MYO6: variants seen among roughly 807,000 people sequenced by gnomAD.
The protein encoded by MYO6 is unconventional myosin-VI.
MYO6 carries 74 observed loss-of-function variants against 178.7 expected under a neutral mutation model. That is an observed-to-expected ratio of 0.41 (90% CI 0.34 to 0.50). MYO6 has a LOEUF of 0.50. MYO6 is among the 20% of genes least tolerant of loss of function. The probability of loss-of-function intolerance (pLI) is 0.09; values close to 1 mark genes in which losing one functional copy is unlikely to be tolerated. For synonymous variants in MYO6, 477 were observed against 504.6 expected (o/e 0.95, Z 0.73); for missense variants, 1,330 against 1,547.4 (o/e 0.86, Z 2.36).
chr6:75,826,000 G>A (rs886444712), intron 3 of MYO6, among the ~76,000 whole-genome samples: 1 of 152,040 alleles, frequency 6.6e-6, no homozygotes, highest in Non-Finnish European at 1.5e-5. Context: ...GGCATAAAAG[G>A]TAAACAGTTT....
chr6:75,757,863 CATT>C (rs778382597), intron 1 of MYO6, among the ~76,000 whole-genome samples: 7 of 149,656 alleles, frequency 4.7e-5, no homozygotes, highest in Non-Finnish European at 1.0e-4. Flanking sequence ...AGTGTACATT[CATT>C]ATTATTGTTG....
intron 6 of MYO6, among the ~76,000 whole-genome samples, chr6:75,835,150 T>C (rs1291378270): frequency 1.3e-5 from 2 of 152,228 alleles, no homozygotes; most frequent in African/African-American, 4.8e-5. Context: ...ATTGAATTAA[T>C]AGGCTCTCAC....
intron 10 of MYO6, among the ~76,000 whole-genome samples, 168 bp from the exon 11 acceptor site, chr6:75,848,183 T>C (rs1774910395): frequency 6.6e-6 from 1 of 152,216 alleles, no homozygotes; most frequent in South Asian, 2.1e-4. Flanking sequence ...AGATCCTGTG[T>C]ATACTTTTCA....
At chr6:75,893,378 AC>A (rs1473285938) in intron 28 of MYO6, among the ~76,000 whole-genome samples, 1 of 152,138 alleles carries the variant, frequency 6.6e-6, no homozygotes, top group African/African-American at 2.4e-5. Flanking sequence ...TAATAACAAA[AC>A]TAATTTGTAA....
chr6:75,782,834 A>G (rs1362719408), intron 1 of MYO6, among the ~76,000 whole-genome samples: 3 of 150,978 alleles, frequency 2.0e-5, no homozygotes, highest in Non-Finnish European at 2.9e-5. Context: ...CCTCTCTGAA[A>G]TTTACTTGTT....
Position 75,832,844 on chromosome 6 carries a change from G to T in MYO6, c.394G>T (p.Asp132Tyr). ...TTAATGTCTTATTTTGACCCTAGCT[G>T]ATAAAGCTTTTCGAGACATGAAGGT... ...TRPPHVFAIA[D>Y]KAFRDMKVLK... Residue 132 changes from aspartate (D) to tyrosine (Y), a missense_variant and splice_region_variant, in exon 6 of 35, where the codon GAT becomes TAT. Physicochemically the swap from Asp to Tyr is radical, Grantham distance 160 (BLOSUM62 -3). Transcript: ENST00000369977. The T allele has an allele frequency of 1.2e-6, 2 of 1,605,806 alleles. No individual in the cohort carries two copies. Among genetic ancestry groups the T allele is most frequent in the Non-Finnish European group, 1.7e-6 (2 of 1,172,570 alleles).
chr6:75,869,788 A>G (rs1418278262), intron 18 of MYO6, among the ~76,000 whole-genome samples: 6 of 152,204 alleles, frequency 3.9e-5, no homozygotes, highest in African/African-American at 7.2e-5. Flanking sequence ...TTGTCCAAGC[A>G]TTTAAAAATA....
chr6:75,899,271 A>G (rs966681256), intron 30 of MYO6, among the ~76,000 whole-genome samples: 1 of 152,144 alleles, frequency 6.6e-6, no homozygotes, highest in African/African-American at 2.4e-5. Context: ...ATCAAAACAC[A>G]TTTTACATAT....
intron 12 of MYO6, among the ~76,000 whole-genome samples, chr6:75,855,782 AT>A: frequency 6.6e-6 from 1 of 152,268 alleles, no homozygotes; most frequent in East Asian, 1.9e-4. Context: ...GGATGTTTTT[AT>A]ACTTTTGTCT....
At chr6:75,765,448 A>G (rs1440928780) in intron 1 of MYO6, among the ~76,000 whole-genome samples, 1 of 152,028 alleles carries the variant, frequency 6.6e-6, no homozygotes, top group African/African-American at 2.4e-5. Flanking sequence ...AAGTGTTGGG[A>G]TTACAGGCAT....
At chr6:75,788,621 A>G (rs568363895) in intron 1 of MYO6, among the ~76,000 whole-genome samples, 1 of 152,340 alleles carries the variant, frequency 6.6e-6, no homozygotes, top group Admixed American at 6.5e-5. Context: ...TATTTTTGGT[A>G]GAGAAGGTGT....
chr6:75,821,731 C>T (rs1306236883), intron 2 of MYO6, among the ~76,000 whole-genome samples: 2 of 152,234 alleles, frequency 1.3e-5, no homozygotes, highest in Admixed American at 1.3e-4. Context: ...GAAACTTCAG[C>T]CACAAGAGTA....
At chr6:75,833,321 A>G (rs1773318114) in intron 6 of MYO6, among the ~76,000 whole-genome samples, 1 of 152,230 alleles carries the variant, frequency 6.6e-6, no homozygotes, top group South Asian at 2.1e-4. Context: ...TGGTAAAAAA[A>G]TACTTAAGTA....
chr6:75,845,972 A>G (rs1190377267), intron 10 of MYO6, among the ~76,000 whole-genome samples: 2 of 149,990 alleles, frequency 1.3e-5, no homozygotes, highest in Non-Finnish European at 3.0e-5. Context: ...GGGCGACAGA[A>G]CGAGACTCTG....
chr6:75,792,619 T>A (rs1269419937), intron 1 of MYO6, among the ~76,000 whole-genome samples: 2 of 152,142 alleles, frequency 1.3e-5, no homozygotes, highest in Non-Finnish European at 2.9e-5. Context: ...AATTACTTTT[T>A]TTTTTGTGGG....
chr6:75,791,250 AT>A (rs1201582528), intron 1 of MYO6, among the ~76,000 whole-genome samples: 3 of 152,182 alleles, frequency 2.0e-5, no homozygotes, highest in African/African-American at 7.2e-5. Context: ...TGTATTTTTA[AT>A]TGTAAAGAAT....
At position 75,830,550 on chromosome 6, in the gene MYO6, G is replaced by C. The variant is rs1303815708; in HGVS notation, c.391+5G>C. On this transcript the variant is annotated splice_donor_5th_base_variant and intron_variant, in intron 5 of 34. Transcript: ENST00000369977. ...CACCTCATGTCTTTGCAATTGGTAA[G>C]TGATTTTAAATGTATTTTAATTCTT... The C allele has an allele frequency of 1.2e-6, 2 of 1,610,102 alleles. No homozygotes were observed. The highest frequency in any genetic ancestry group is 4.5e-5 in the East Asian group (2 of 44,722).
At chr6:75,863,467 G>GA (rs1315928208) in intron 16 of MYO6, among the ~76,000 whole-genome samples, 5 of 151,994 alleles carry the variant, frequency 3.3e-5, no homozygotes, top group Admixed American at 1.3e-4. Flanking sequence ...TAAAAGGCCA[G>GA]AAGACCTGGT....
chr6:75,765,463 C>T (rs781760608), intron 1 of MYO6, among the ~76,000 whole-genome samples: 2 of 151,966 alleles, frequency 1.3e-5, no homozygotes, highest in Non-Finnish European at 2.9e-5. Context: ...AGGCATGAGC[C>T]ACTGCATCTG....
Sources: gnomAD v4.1 joint callset for allele counts (sites outside exome capture counted in the v4.1 genomes callset) on GRCh38, gnomAD v4.1.1 for gene constraint, MANE v1.5 for transcripts, NCBI Gene and HGNC (gene_info 2026-07-23, HGNC 2026-07-21) for gene names.